THSD7B: variants seen among roughly 807,000 people sequenced by gnomAD.
THSD7B encodes the protein thrombospondin type-1 domain-containing protein 7B.
A neutral mutation model predicts 213.6 loss-of-function variants in THSD7B; 138 were observed. The observed-to-expected ratio is 0.65, with a 90% CI of 0.56 to 0.74. The LOEUF (loss-of-function observed/expected upper bound fraction) is 0.74. Among genes scored for constraint, THSD7B ranks in the 30% least tolerant of loss-of-function variants. THSD7B has a pLI of 0.00. For missense variants in THSD7B, 1,931 were observed against 1,991.5 expected, an observed-to-expected ratio of 0.97 and a Z score of 0.58; for synonymous variants, 742 against 687.0, an observed-to-expected ratio of 1.08 and a Z score of -1.25.
intron 3 of THSD7B, 116 bp downstream of exon 3, chr2:137,057,346 G>C (rs1295611376): frequency 4.4e-6 from 5 of 1,126,582 alleles, no homozygotes; most frequent in Non-Finnish European, 6.1e-6. Context: ...TTATAATTTA[G>C]GTTTTTAGAA....
chr2:137,227,449 C>T (rs6717310), intron 7 of THSD7B, among the ~76,000 whole-genome samples: 1,709 of 152,182 alleles, frequency 0.011, 35 homozygotes, highest in African/African-American at 0.037. Context: ...TTAGATTATC[C>T]GAGCTTGTGA....
intron 17 of THSD7B, among the ~76,000 whole-genome samples, chr2:137,600,342 A>G (rs1682052884): frequency 6.6e-6 from 1 of 152,220 alleles, no homozygotes; most frequent in Non-Finnish European, 1.5e-5. Context: ...GTGGTGCCAT[A>G]TGATTACAAT....
intron 7 of THSD7B, among the ~76,000 whole-genome samples, chr2:137,187,871 A>G (rs566064211): frequency 6.6e-6 from 1 of 152,044 alleles, no homozygotes; most frequent in Admixed American, 6.5e-5. Flanking sequence ...TTTTTGTTCC[A>G]ATGTTCCCTT....
At chr2:137,052,696 C>T (rs1687090882) in intron 2 of THSD7B, among the ~76,000 whole-genome samples, 1 of 152,098 alleles carries the variant, frequency 6.6e-6, no homozygotes, top group Non-Finnish European at 1.5e-5. Context: ...AACTGCCAGT[C>T]ACATTTTACT....
chr2:137,580,498 A>G (rs954121589), intron 17 of THSD7B, among the ~76,000 whole-genome samples: 2 of 152,224 alleles, frequency 1.3e-5, no homozygotes, highest in African/African-American at 4.8e-5. Flanking sequence ...TATAATATAC[A>G]ATAATGACTT....
chr2:137,228,158 T>TC (rs1553481025), intron 7 of THSD7B, among the ~76,000 whole-genome samples: 1 of 149,130 alleles, frequency 6.7e-6, no homozygotes, highest in Non-Finnish European at 1.5e-5. Flanking sequence ...TTTTTTTTTT[T>TC]TCAAGATTTC....
intron 15 of THSD7B, among the ~76,000 whole-genome samples, chr2:137,460,338 G>T (rs954549577): frequency 2.6e-5 from 4 of 152,168 alleles, no homozygotes; most frequent in African/African-American, 9.6e-5. Context: ...TTATCTTGTT[G>T]CTTGATACAC....
At chr2:136,792,413 C>G (rs1010906224) in intron 1 of THSD7B, among the ~76,000 whole-genome samples, 3 of 151,938 alleles carry the variant, frequency 2.0e-5, no homozygotes, top group African/African-American at 7.2e-5. Flanking sequence ...GGCAGTGTGA[C>G]TATTGTGTAT....
intron 27 of THSD7B, among the ~76,000 whole-genome samples, chr2:137,671,198 G>C (rs1374034929): frequency 6.7e-6 from 1 of 149,146 alleles, no homozygotes; most frequent in Non-Finnish European, 1.5e-5. Flanking sequence ...TAGGGAGATG[G>C]CCATTTTATT....
intron 7 of THSD7B, among the ~76,000 whole-genome samples, chr2:137,210,479 A>G (rs1233627278): frequency 6.6e-6 from 1 of 152,072 alleles, no homozygotes; most frequent in Non-Finnish European, 1.5e-5. Flanking sequence ...GATTTGAAGT[A>G]TTCGTTCTTA....
intron 15 of THSD7B, among the ~76,000 whole-genome samples, chr2:137,555,466 AC>A (rs1304460440): frequency 6.6e-6 from 1 of 152,202 alleles, no homozygotes; most frequent in Non-Finnish European, 1.5e-5. Context: ...ACTCCAACAG[AC>A]CTGCAGCTGA....
chr2:137,041,556 T>C (rs1686881719), intron 2 of THSD7B, among the ~76,000 whole-genome samples: 1 of 150,612 alleles, frequency 6.6e-6, no homozygotes, highest in African/African-American at 2.4e-5. Flanking sequence ...ATAAAATACA[T>C]AACACATATA....
intron 7 of THSD7B, among the ~76,000 whole-genome samples, chr2:137,191,511 C>G (rs556863327): frequency 2.0e-5 from 3 of 151,938 alleles, no homozygotes; most frequent in Admixed American, 6.6e-5. Context: ...CTGGTTCTGC[C>G]GCTTTTCTTA....
chr2:136,868,120 G>GCGCACA (rs147404553), intron 1 of THSD7B, among the ~76,000 whole-genome samples: 15 of 149,260 alleles, frequency 1.0e-4, no homozygotes, highest in East Asian at 3.9e-4. Context: ...ACACGCGCGC[G>GCGCACA]CACACACACA....
At chr2:137,457,830 A>G (rs982076623) in intron 15 of THSD7B, among the ~76,000 whole-genome samples, 1 of 152,192 alleles carries the variant, frequency 6.6e-6, no homozygotes, top group Admixed American at 6.6e-5. Flanking sequence ...TTGTGGAAAA[A>G]TGGAATTAAC....
intron 12 of THSD7B, among the ~76,000 whole-genome samples, chr2:137,364,809 T>A (rs909455078): frequency 6.6e-6 from 1 of 152,152 alleles, no homozygotes; most frequent in Non-Finnish European, 1.5e-5. Flanking sequence ...AAAATGGCCA[T>A]ACTGCCCAAG....
intron 2 of THSD7B, among the ~76,000 whole-genome samples, chr2:136,938,979 G>A (rs768783703): frequency 7.2e-5 from 11 of 152,132 alleles, no homozygotes; most frequent in Non-Finnish European, 1.3e-4. Context: ...TGTGTGACTC[G>A]AAAACAGTAA....
At chr2:137,389,408 T>C (rs1685969081) in intron 12 of THSD7B, among the ~76,000 whole-genome samples, 1 of 132,678 alleles carries the variant, frequency 7.5e-6, no homozygotes, top group Admixed American at 7.9e-5. Flanking sequence ...TGTGATTTTT[T>C]TTTTTTTTTT....
chr2:136,987,586 T>G (rs1201597835), intron 2 of THSD7B, among the ~76,000 whole-genome samples: 1 of 152,214 alleles, frequency 6.6e-6, no homozygotes, highest in African/African-American at 2.4e-5. Flanking sequence ...GCCAGAATAC[T>G]GTACTCATGG....
Sources: gnomAD v4.1 joint callset for allele counts (sites outside exome capture counted in the v4.1 genomes callset) on GRCh38, gnomAD v4.1.1 for gene constraint, MANE v1.5 for transcripts, NCBI Gene and HGNC (gene_info 2026-07-23, HGNC 2026-07-21) for gene names.